VIT: variants seen among roughly 807,000 people sequenced by gnomAD.
VIT encodes vitrin.
In VIT, 99 loss-of-function variants were observed where a neutral mutation model predicts 78.0. That is an observed-to-expected ratio of 1.27 (90% CI 1.08 to 1.50). The LOEUF is 1.50. VIT is among the 40% of genes most tolerant of loss of function. VIT has a pLI of 0.00. For missense variants in VIT, 1,126 were observed against 875.3 expected, an observed-to-expected ratio of 1.29 and a Z score of -3.61; for synonymous variants, 374 against 334.3, an observed-to-expected ratio of 1.12 and a Z score of -1.29.
Position 36,808,092 on chromosome 2 carries a change from T to G in VIT, c.1390-380T>G, listed in dbSNP as rs535578559. On this transcript the variant is annotated intron_variant, in intron 14 of 15. Transcript: ENST00000379242. ...TTCCGAACTGGAATAAAAGCTTTCT[T>G]TAGTCCTCTCATGCCATGGTACCCA... is the stretch of plus-strand genomic sequence containing the variant. Among the ~76,000 whole-genome samples, 8 of 152,344 alleles carry G rather than the reference T, an allele frequency of 5.3e-5. No homozygotes were observed. In the East Asian group the frequency reaches 1.5e-3, roughly 29 times the overall value.
At chr2:36,781,041 G>A (rs568707127) in intron 9 of VIT, among the ~76,000 whole-genome samples, 85 of 152,262 alleles carry the variant, frequency 5.6e-4, no homozygotes, top group African/African-American at 2.0e-3. Flanking sequence ...TGTGGTTGAA[G>A]GCCATTAAAC....
intron 9 of VIT, 136 bp downstream of exon 9, chr2:36,775,203 C>A: frequency 1.0e-6 from 1 of 960,052 alleles, no homozygotes; most frequent in Non-Finnish European, 1.5e-6. Flanking sequence ...TGGGAGCATG[C>A]TAAGATATTT....
intron 12 of VIT, among the ~76,000 whole-genome samples, chr2:36,796,997 A>T (rs1665950188): frequency 6.6e-6 from 1 of 152,178 alleles, no homozygotes; most frequent in African/African-American, 2.4e-5. Flanking sequence ...TAAAAAATGT[A>T]CAAATAACAT....
At chr2:36,736,596 G>T (rs1667522714) in intron 3 of VIT, among the ~76,000 whole-genome samples, 1 of 152,212 alleles carries the variant, frequency 6.6e-6, no homozygotes, top group African/African-American at 2.4e-5. Flanking sequence ...GCAGATGGGA[G>T]CCATTGATGA....
At chr2:36,739,099 C>T (rs1001929849) in intron 3 of VIT, among the ~76,000 whole-genome samples, 1 of 152,064 alleles carries the variant, frequency 6.6e-6, no homozygotes, top group African/African-American at 2.4e-5. Context: ...TTGAATATCA[C>T]AGTGCAACAA....
At chr2:36,711,156 T>G (rs772294819) in intron 1 of VIT, among the ~76,000 whole-genome samples, 1 of 152,240 alleles carries the variant, frequency 6.6e-6, no homozygotes, top group African/African-American at 2.4e-5. Context: ...GGACTTGCTC[T>G]AATTTTTACA....
intron 7 of VIT, among the ~76,000 whole-genome samples, chr2:36,771,538 G>A (rs6544037): frequency 0.073 from 9,687 of 132,788 alleles, 1,174 homozygotes; most frequent in African/African-American, 0.26. Flanking sequence ...AAAAAAAAAA[G>A]AAAAAGAAAA....
At chr2:36,793,967 C>G (rs1455685098) in intron 12 of VIT, among the ~76,000 whole-genome samples, 1 of 152,156 alleles carries the variant, frequency 6.6e-6, no homozygotes, top group East Asian at 1.9e-4. Flanking sequence ...GATTTTCTTT[C>G]AAGGAGAGGA....
At chr2:36,772,275 G>C (rs1321616018) in intron 7 of VIT, among the ~76,000 whole-genome samples, 1 of 151,852 alleles carries the variant, frequency 6.6e-6, no homozygotes, top group Non-Finnish European at 1.5e-5. Flanking sequence ...CGTGGCTCAC[G>C]CCTGTAATCC....
At chr2:36,711,038 T>C (rs1298878795) in intron 1 of VIT, among the ~76,000 whole-genome samples, 2 of 152,236 alleles carry the variant, frequency 1.3e-5, no homozygotes, top group Non-Finnish European at 2.9e-5. Context: ...TTAGCAATTA[T>C]GCCAGTCCTC....
chr2:36,746,582 T>G lies in VIT; in HGVS notation c.275+3326T>G, dbSNP rs192209829. Among the ~76,000 whole-genome samples the G allele has an allele frequency of 4.6e-5, 7 of 152,294 alleles. No homozygotes were observed. The East Asian group carries it at 1.3e-3, about 29-fold the overall frequency. On this transcript the variant is annotated intron_variant, in intron 4 of 15. Transcript: ENST00000379242. ...TTTCCTGTAGATTTTCTAGCTTGTG[T>G]GCACAGAAGTCTTCAAAATAGTTTC...
chr2:36,773,625 G>T (rs560945465), intron 7 of VIT, among the ~76,000 whole-genome samples, 166 bp from the exon 8 acceptor site: 188 of 152,258 alleles, frequency 1.2e-3, no homozygotes, highest in African/African-American at 4.4e-3. Context: ...CAGCTACTCG[G>T]GAGGCTGAGG....
intron 9 of VIT, among the ~76,000 whole-genome samples, chr2:36,779,168 C>T (rs1364802348): frequency 6.6e-6 from 1 of 152,182 alleles, no homozygotes; most frequent in African/African-American, 2.4e-5. Context: ...CCAAGTACCC[C>T]GAGGTGCTGA....
chr2:36,806,763 C>G (rs995382678), intron 14 of VIT, among the ~76,000 whole-genome samples: 2 of 152,116 alleles, frequency 1.3e-5, no homozygotes, highest in African/African-American at 4.8e-5. Flanking sequence ...TGGGGTTTCA[C>G]CATGTTAGCC....
chr2:36,784,595 A>C (rs1664970492), intron 11 of VIT, among the ~76,000 whole-genome samples: 1 of 152,222 alleles, frequency 6.6e-6, no homozygotes, highest in South Asian at 2.1e-4. Context: ...CACTGGCCTG[A>C]TGTATTGGAC....
chr2:36,778,842 C>T (rs1670226879), intron 9 of VIT, among the ~76,000 whole-genome samples: 1 of 152,174 alleles, frequency 6.6e-6, no homozygotes, highest in Non-Finnish European at 1.5e-5. Context: ...TTCTGCTGGT[C>T]CAGATGCCTG....
chr2:36,812,771 T>A (rs1478516703), intron 15 of VIT, among the ~76,000 whole-genome samples: 4 of 152,042 alleles, frequency 2.6e-5, no homozygotes, highest in Non-Finnish European at 4.4e-5. Flanking sequence ...CAGTCTCAAC[T>A]CACAGTAGTT....
At chr2:36,743,039 G>A in intron 3 of VIT, 61 bp from the exon 4 acceptor site, 1 of 1,598,024 alleles carries the variant, frequency 6.3e-7, no homozygotes, top group Non-Finnish European at 8.5e-7. Flanking sequence ...ACCTAACAGT[G>A]TCACCCCACA....
intron 15 of VIT, 93 bp downstream of exon 15, chr2:36,809,078 T>C (rs1666963867): frequency 4.7e-6 from 7 of 1,476,374 alleles, no homozygotes; most frequent in South Asian, 2.8e-5. Flanking sequence ...TTTTTATGCA[T>C]TGGTTTTTTC....
Sources: gnomAD v4.1 joint callset for allele counts (sites outside exome capture counted in the v4.1 genomes callset) on GRCh38, gnomAD v4.1.1 for gene constraint, MANE v1.5 for transcripts, NCBI Gene and HGNC (gene_info 2026-07-23, HGNC 2026-07-21) for gene names.